Variants in TTLL4 observed in about 807,000 individuals in gnomAD.
The protein encoded by TTLL4 is tubulin monoglutamylase TTLL4.
In TTLL4, 85 loss-of-function variants were observed where a neutral mutation model predicts 122.7. The observed-to-expected ratio is 0.69, with a 90% CI of 0.58 to 0.83. The LOEUF (loss-of-function observed/expected upper bound fraction) is 0.83, where lower values mean the gene tolerates loss of function less well. TTLL4 is among the 40% of genes least tolerant of loss of function. The pLI is 0.00. For missense variants in TTLL4, 1,363 were observed against 1,488.6 expected (o/e 0.92, Z 1.39); for synonymous variants, 553 against 563.0 (o/e 0.98, Z 0.25).
At position 218,738,346 on chromosome 2, in the gene TTLL4, T is replaced by C. The variant is rs775136669; in HGVS notation, c.670T>C (p.Trp224Arg). The change falls in exon 3 of 20, where the codon TGG becomes CGG. Residue 224 changes from tryptophan (W) to arginine (R), a missense_variant. Around this residue, in one of 3 missense-constraint regions of TTLL4, gnomAD observed 760 missense variants for 808.4 expected, o/e 0.94. Transcript: ENST00000392102. ...KPMLNNNSFM[W>R]PNSTPVPLLQ... ...CATGCTGAATAATAATTCCTTCATGTGGCCAAATAGCACGCCAGTGCCTTT... is the reference window on the plus strand; with the variant it reads ...CATGCTGAATAATAATTCCTTCATGCGGCCAAATAGCACGCCAGTGCCTTT... 1 of 1,614,168 alleles carries C rather than the reference T, an allele frequency of 6.2e-7. No homozygotes were observed. The highest frequency in any genetic ancestry group is 8.5e-7 in the Non-Finnish European group (1 of 1,180,038).
chr2:218,718,215 G>A (rs974054286), intron 1 of TTLL4, among the ~76,000 whole-genome samples: 1 of 152,100 alleles, frequency 6.6e-6, no homozygotes, highest in African/African-American at 2.4e-5. Context: ...AGGAGGAAAG[G>A]GAAACTGCAT....
chr2:218,749,772 T>A (rs1942967218), intron 14 of TTLL4, among the ~76,000 whole-genome samples: 1 of 152,204 alleles, frequency 6.6e-6, no homozygotes, highest in African/African-American at 2.4e-5. Context: ...CAGCCAGTTG[T>A]TCTTTTTAAG....
In TTLL4 at chr2:218,747,112, A is replaced by G; in HGVS notation, c.2084A>G (p.Gln695Arg). 1.9e-6 allele frequency: 3 copies of G among 1,614,222 alleles called. No individual in the cohort carries two copies. The South Asian group carries it at 3.3e-5, about 18-fold the overall frequency. Reference sequence around the variant, plus strand: ...AAGAAGGAGTTCAGTTTCTTCCCCCAGTCCTTTATCCTGCCCCAGGACGCC... The same window carrying G: ...AAGAAGGAGTTCAGTTTCTTCCCCCGGTCCTTTATCCTGCCCCAGGACGCC... ...FGKKEFSFFP[Q>R]SFILPQDAKL... The change falls in exon 9 of 20, where the codon CAG (glutamine) becomes CGG (arginine). Residue 695 changes from glutamine to arginine, a missense_variant. Physicochemically the swap from Gln to Arg is conservative, Grantham distance 43. Around this residue, in one of 3 missense-constraint regions of TTLL4, gnomAD observed 596 missense variants for 655.8 expected, o/e 0.91. Transcript: ENST00000392102. This position sits in a 1 kb window ranked among gnomAD's most constrained non-coding sequence, Gnocchi z 4.7.
Position 218,747,292 on chromosome 2 carries a change from A to G in TTLL4, c.2169A>G (p.Pro723=). Residue 723 remains proline (P), a splice_region_variant and synonymous_variant, in exon 10 of 20, where the codon CCA becomes CCG. Coordinates refer to ENST00000392102, the MANE Select transcript of TTLL4 (RefSeq NM_014640.5). The surrounding 1 kb of genome is among the most constrained non-coding windows in gnomAD (Gnocchi z 4.7). Reference sequence around the variant, plus strand: ...TCTCATCTCCTTTCTGCTCCTAGCCAGCATCAGCTCGAGGCATTGGCATCC... The same window carrying G: ...TCTCATCTCCTTTCTGCTCCTAGCCGGCATCAGCTCGAGGCATTGGCATCC... ...SSRQKWIVKP[P]ASARGIGIQV... 6.2e-7 allele frequency: 1 copy of G among 1,614,194 alleles called. No homozygotes were observed. Among genetic ancestry groups the G allele is most frequent in the East Asian group, 2.2e-5 (1 of 44,872 alleles).
Position 218,752,828 on chromosome 2 carries a change from A to G in TTLL4, c.3042A>G (p.Glu1014=). ...ATGTTCGGATTCTGGTTGAGATGGA[A>G]GATGAGTTTTCTCGCCGTGGTCAGT... is the stretch of plus-strand genomic sequence containing the variant. The part of the protein sequence containing the change: ...PDDVRILVEM[E]DEFSRRGQFE... The change falls in exon 17 of 20, where the codon GAA becomes GAG. Residue 1014 remains glutamate (E), a synonymous_variant. Transcript: ENST00000392102. The G allele has an allele frequency of 6.2e-7, 1 of 1,614,204 alleles. No homozygotes were observed. The highest frequency in any genetic ancestry group is 1.7e-5 in the Admixed American group (1 of 60,016).
rs1276813310 is a variant in TTLL4 at position 218,738,320 on chromosome 2, C to T, written c.644C>T (p.Pro215Leu). ...IPSPLSSSYK[P>L]MLNNNSFMWP... ...TCTCCACTCTCTTCCTCCTATAAGC[C>T]CATGCTGAATAATAATTCCTTCATG... The change falls in exon 3 of 20, where the codon CCC (proline) becomes CTC (leucine). Residue 215 changes from proline to leucine, a missense_variant. Coordinates refer to ENST00000392102, the MANE Select transcript of TTLL4 (RefSeq NM_014640.5). 3 of 1,614,012 alleles carry T rather than the reference C, an allele frequency of 1.9e-6. No homozygotes were observed. The highest frequency in any genetic ancestry group is 1.1e-5 in the South Asian group (1 of 91,092).
intron 15 of TTLL4, among the ~76,000 whole-genome samples, chr2:218,751,249 TA>T (rs1943006615): frequency 6.6e-6 from 1 of 152,180 alleles, no homozygotes; most frequent in Non-Finnish European, 1.5e-5. Flanking sequence ...TTAAAATTAT[TA>T]TTTTTTTTTA....
intron 5 of TTLL4, 34 bp downstream of exon 5, chr2:218,740,618 T>A (rs1942673404): frequency 1.2e-6 from 2 of 1,606,652 alleles, no homozygotes; most frequent in East Asian, 4.5e-5. Context: ...TGTTACATGC[T>A]CATCTTTTGT....
chr2:218,736,744 TCTC>T (rs1942535877), intron 2 of TTLL4, among the ~76,000 whole-genome samples: 1 of 152,138 alleles, frequency 6.6e-6, no homozygotes, highest in Admixed American at 6.5e-5. Context: ...GGAATTCTCT[TCTC>T]CTGTCTGAAC....
intron 3 of TTLL4, 100 bp from the exon 4 acceptor site, chr2:218,739,958 G>C: frequency 9.0e-7 from 1 of 1,105,848 alleles, no homozygotes; most frequent in Non-Finnish European, 1.3e-6. Flanking sequence ...GATTGGTAAT[G>C]GAGAAGGGGC....
chr2:218,718,021 C>T (rs933787473), intron 1 of TTLL4, among the ~76,000 whole-genome samples: 4 of 152,176 alleles, frequency 2.6e-5, no homozygotes, highest in Non-Finnish European at 5.9e-5. Flanking sequence ...GATCTCCTGA[C>T]CTCGTGATCC....
At chr2:218,748,560 C>T in intron 12 of TTLL4, 1 of 426,728 alleles carries the variant, frequency 2.3e-6, no homozygotes, top group East Asian at 4.3e-5. Flanking sequence ...GAAGTTGAGG[C>T]AGGAGAATCA....
rs1345239566 is a variant in TTLL4, at chr2:218,719,970, CAG to C, written c.-177-7296_-177-7295del. Among the ~76,000 whole-genome samples, 11 of 152,274 alleles carry C rather than the reference CAG, an allele frequency of 7.2e-5. No homozygotes were observed. The East Asian group carries it at 7.7e-4, about 11-fold the overall frequency. ...AAAAGGAGGAAGAATGCTAAGTAGA[CAG>C]AGTGTCTTAAATTTCATGACTGGTT... On this transcript the variant is annotated intron_variant, in intron 1 of 19. Coordinates refer to ENST00000392102, the MANE Select transcript of TTLL4 (RefSeq NM_014640.5).
intron 1 of TTLL4, among the ~76,000 whole-genome samples, chr2:218,721,235 CAATTAATT>C (rs10556568): frequency 5.3e-5 from 8 of 151,268 alleles, no homozygotes; most frequent in Non-Finnish European, 7.4e-5. Flanking sequence ...AATTTACCCC[CAATTAATT>C]AATTAATTAA....
chr2:218,748,828 C>G lies in TTLL4; in HGVS notation c.2502-8C>G. On this transcript the variant is annotated splice_region_variant and splice_polypyrimidine_tract_variant and intron_variant, in intron 12 of 19. Transcript: ENST00000392102. ...TAATTCCTAATACTTCCTCTTCCTC[C>G]TCTGCAGGGCACTGAAGGCTTTGTG... The G allele has an allele frequency of 6.2e-7, 1 of 1,613,168 alleles. No individual in the cohort carries two copies. Among genetic ancestry groups the G allele is most frequent in the Non-Finnish European group, 8.5e-7 (1 of 1,179,228 alleles).
chr2:218,750,153 C>A lies in TTLL4; in HGVS notation c.2873+7C>A. 1 of 1,613,134 alleles carries A rather than the reference C, an allele frequency of 6.2e-7. No individual in the cohort carries two copies. The highest frequency in any genetic ancestry group is 2.2e-5 in the East Asian group (1 of 44,876). ...GCAGCAGCTCCACCACCAGGTGAGG[C>A]CCCTATTTCTTCACAGCTCTGCTGG... On this transcript the variant is annotated splice_region_variant and intron_variant, in intron 15 of 19. Transcript: ENST00000392102.
rs561249273 is a variant in TTLL4 at position 218,741,771 on chromosome 2, T to A, written c.1661+1187T>A. Among the ~76,000 whole-genome samples the A allele has an allele frequency of 3.2e-3, 481 of 152,184 alleles. 1 individual carries two copies. Among genetic ancestry groups the A allele is most frequent in the African/African-American group, 0.011 (460 of 41,502 alleles). Reference sequence around the variant, plus strand: ...TATTTGACATGTAATTGATTTGGAGTCCTACCTTTTTTACACTTAAGGGCC... The same window carrying A: ...TATTTGACATGTAATTGATTTGGAGACCTACCTTTTTTACACTTAAGGGCC... On this transcript the variant is annotated intron_variant, in intron 5 of 19. Coordinates refer to ENST00000392102, the MANE Select transcript of TTLL4 (RefSeq NM_014640.5).
At chr2:218,746,283 A>G in intron 8 of TTLL4, 52 bp downstream of exon 8, 1 of 1,573,582 alleles carries the variant, frequency 6.4e-7, no homozygotes, top group Non-Finnish European at 8.7e-7. Flanking sequence ...CTAGGCCAAG[A>G]GGAGGGGGAT....
chr2:218,721,235 CAAT>C (rs765070487), intron 1 of TTLL4, among the ~76,000 whole-genome samples: 5,382 of 151,366 alleles, frequency 0.036, 308 homozygotes, highest in African/African-American at 0.12. Flanking sequence ...AATTTACCCC[CAAT>C]TAATTAATTA....
Sources: allele counts gnomAD v4.1 joint callset (sites outside exome capture counted in the v4.1 genomes callset), GRCh38; gene constraint gnomAD v4.1.1; regional missense constraint gnomAD v4.1.1; non-coding constraint Gnocchi (gnomAD v3.1); transcripts MANE v1.5; gene names NCBI Gene and HGNC (gene_info 2026-07-23, HGNC 2026-07-21).